The following MYLK variants were observed in gnomAD, a reference collection of about 807,000 sequenced individuals.
MYLK encodes myosin light chain kinase, also known as myosin light chain kinase, smooth muscle.
In MYLK, 106 loss-of-function variants were observed where a neutral mutation model predicts 203.4. The observed-to-expected ratio is 0.52, with a 90% CI of 0.45 to 0.61. MYLK has a LOEUF of 0.61. Among genes scored for constraint, MYLK ranks in the 20% least tolerant of loss-of-function variants. The probability of loss-of-function intolerance (pLI) is 0.00; values close to 1 mark genes in which losing one functional copy is unlikely to be tolerated. For missense variants in MYLK, 2,072 were observed against 2,442.3 expected (o/e 0.85, Z 3.20); for synonymous variants, 867 against 959.5 (o/e 0.90, Z 1.78).
Position 123,640,164 on chromosome 3 carries a change from T to C in MYLK, c.4837+123A>G. 1.1e-6 allele frequency: 1 copy of C among 897,888 alleles called. No individual in the cohort carries two copies. The allele number at this position is 897,888 out of a possible 1,614,324, so 55.6% of individuals were successfully genotyped here. ...ATGTGGTAGGGGCAGGATTCAAACC[T>C]GGGAAGTCTTCATGGTCTCGGATTT... On this transcript the variant is annotated intron_variant, in intron 28 of 33. Coordinates refer to ENST00000360304, the MANE Select transcript of MYLK (RefSeq NM_053025.4). This position sits in a 1 kb window ranked among gnomAD's most constrained non-coding sequence, Gnocchi z 4.3.
chr3:123,775,939 A>G (rs138905424), intron 4 of MYLK, among the ~76,000 whole-genome samples: 44 of 152,260 alleles, frequency 2.9e-4, no homozygotes, highest in African/African-American at 1.1e-3. Flanking sequence ...CCTGAGCCCT[A>G]GGCTGTCTTG....
intron 17 of MYLK, 35 bp from the exon 18 acceptor site, chr3:123,701,040 G>A: frequency 1.3e-6 from 2 of 1,578,968 alleles, no homozygotes; most frequent in Non-Finnish European, 1.7e-6. Flanking sequence ...AAAGTAGCAG[G>A]AGGAAAAGGG....
At chr3:123,616,337 C>T (rs1475476754) in intron 33 of MYLK, 2 of 152,026 alleles carry the variant, frequency 1.3e-5, no homozygotes, top group African/African-American at 4.8e-5. Context: ...AAATAAAATA[C>T]ACATGCATAT....
chr3:123,831,308 A>T, intron 3 of MYLK: 2 of 1,200,100 alleles, frequency 1.7e-6, no homozygotes, highest in South Asian at 2.7e-5. Context: ...TCCAATGATG[A>T]TTTCCACCAC....
intron 10 of MYLK, 45 bp from the exon 11 acceptor site, chr3:123,733,147 G>C: frequency 6.3e-7 from 1 of 1,588,640 alleles, no homozygotes; most frequent in Non-Finnish European, 8.6e-7. Flanking sequence ...GCCCTGGAGA[G>C]CACCCTGTGA....
rs2061194425 is a variant in MYLK, at chr3:123,701,118, G to A, written c.2463-113C>T. Reference sequence around the variant, plus strand: ...GGTGGGAGGGTAGAGGGGAGCGGGAGGGGATGGGGGAGGCCGGCCAGGCTG... The same window carrying A: ...GGTGGGAGGGTAGAGGGGAGCGGGAAGGGATGGGGGAGGCCGGCCAGGCTG... On this transcript the variant is annotated intron_variant, in intron 17 of 33. Coordinates refer to ENST00000360304, the MANE Select transcript of MYLK (RefSeq NM_053025.4). 10 of 1,379,160 alleles carry A rather than the reference G, an allele frequency of 7.3e-6. 1 individual carries two copies. In the Middle Eastern group the frequency reaches 7.0e-4, roughly 96 times the overall value. 85.4% of individuals were successfully genotyped at this position (1,379,160 alleles called of 1,614,324 possible).
chr3:123,614,051 TAG>T lies in MYLK; in HGVS notation c.*52_*53del. The T allele has an allele frequency of 1.3e-6, 2 of 1,591,322 alleles. No homozygotes were observed. The highest frequency in any genetic ancestry group is 1.7e-5 in the Admixed American group (1 of 58,304). ...GAGTTTTTTTTTTTTTTTTGAGTTTTAGAGAAATAGTCCTTTTAATATGACTT... is the reference window on the plus strand; with the variant it reads ...GAGTTTTTTTTTTTTTTTTGAGTTTTAGAAATAGTCCTTTTAATATGACTT... On this transcript the variant is annotated 3_prime_UTR_variant, in exon 34 of 34. Coordinates refer to ENST00000360304, the MANE Select transcript of MYLK (RefSeq NM_053025.4).
chr3:123,724,448 C>T (rs901211618), intron 12 of MYLK, among the ~76,000 whole-genome samples: 2 of 152,128 alleles, frequency 1.3e-5, no homozygotes, highest in African/African-American at 4.8e-5. Flanking sequence ...GCATTCCAGC[C>T]ACAAGGAGGC....
In MYLK at chr3:123,627,960, A is replaced by G. The variant is rs114606359; in HGVS notation, c.5115-1019T>C. Among the ~76,000 whole-genome samples the G allele has an allele frequency of 3.9e-3, 595 of 152,324 alleles. 8 individuals are homozygous for G. Among genetic ancestry groups the G allele is most frequent in the African/African-American group, 0.014 (582 of 41,570 alleles). ...TATATACACACACAATACCTTGTTT[A>G]CCAAATCTTCAGTGAATAAAGCTTG... On this transcript the variant is annotated intron_variant, in intron 30 of 33. Transcript: ENST00000360304.
At chr3:123,614,414 C>A in intron 33 of MYLK, 65 bp from the exon 34 acceptor site, 1 of 1,601,724 alleles carries the variant, frequency 6.2e-7, no homozygotes. Context: ...TCAACTCATG[C>A]AAGCAACTTG....
intron 4 of MYLK, among the ~76,000 whole-genome samples, chr3:123,771,807 C>T (rs1367438224): frequency 6.6e-6 from 1 of 152,192 alleles, no homozygotes; most frequent in African/African-American, 2.4e-5. Flanking sequence ...ATTCATCTAA[C>T]ACAAGGCCTA....
chr3:123,720,767 G>A (rs531646919), intron 13 of MYLK, among the ~76,000 whole-genome samples: 75 of 152,288 alleles, frequency 4.9e-4, no homozygotes, highest in Non-Finnish European at 6.5e-4. Context: ...CCAGTTTCTC[G>A]TGCTCACTCC....
intron 5 of MYLK, among the ~76,000 whole-genome samples, chr3:123,750,475 A>G (rs192264749): frequency 6.6e-6 from 1 of 152,160 alleles, no homozygotes; most frequent in Non-Finnish European, 1.5e-5. Context: ...AAACGTTTTC[A>G]TATTATCTAG....
chr3:123,816,791 T>C (rs1162832703), intron 3 of MYLK, among the ~76,000 whole-genome samples: 1 of 152,166 alleles, frequency 6.6e-6, no homozygotes, highest in Non-Finnish European at 1.5e-5. Flanking sequence ...AATTTGGGAA[T>C]AAACACACAC....
chr3:123,647,763 G>T (rs891419156), intron 26 of MYLK, among the ~76,000 whole-genome samples: 1 of 151,752 alleles, frequency 6.6e-6, no homozygotes, highest in African/African-American at 2.4e-5. Flanking sequence ...TGTTGCCCAG[G>T]CTGGTCTTGA....
chr3:123,766,573 A>G (rs2063710982), intron 4 of MYLK, among the ~76,000 whole-genome samples: 1 of 152,272 alleles, frequency 6.6e-6, no homozygotes, highest in African/African-American at 2.4e-5. Context: ...TTGTAGGGAA[A>G]GGGTGAACCC....
intron 2 of MYLK, among the ~76,000 whole-genome samples, chr3:123,851,067 T>A (rs1008419763): frequency 6.6e-6 from 1 of 152,228 alleles, no homozygotes; most frequent in Non-Finnish European, 1.5e-5. Context: ...ACGTGTGGTA[T>A]TATTTCTGAG....
intron 12 of MYLK, among the ~76,000 whole-genome samples, chr3:123,725,100 CCTT>C (rs2062233420): frequency 6.6e-6 from 1 of 152,154 alleles, no homozygotes; most frequent in Non-Finnish European, 1.5e-5. Flanking sequence ...AGATCCCAAA[CCTT>C]CTTTTCCACC....
intron 23 of MYLK, among the ~76,000 whole-genome samples, chr3:123,661,175 G>A (rs891092876): frequency 7.9e-5 from 12 of 152,166 alleles, no homozygotes; most frequent in African/African-American, 1.9e-4. Flanking sequence ...TGCAGCCCGC[G>A]TAGTGGTGAT....
Sources: allele counts gnomAD v4.1 joint callset (sites outside exome capture counted in the v4.1 genomes callset), GRCh38; gene constraint gnomAD v4.1.1; non-coding constraint Gnocchi (gnomAD v3.1); transcripts MANE v1.5; gene names NCBI Gene and HGNC (gene_info 2026-07-23, HGNC 2026-07-21).